KDM4B: variants seen among roughly 807,000 people sequenced by gnomAD.
KDM4B encodes the protein lysine-specific demethylase 4B.
Under a neutral mutation model 125.2 loss-of-function variants are expected in KDM4B, and 32 were observed. That is an observed-to-expected ratio of 0.26 (90% CI 0.19 to 0.34). KDM4B has a LOEUF of 0.34. Among genes scored for constraint, KDM4B ranks in the 10% least tolerant of loss-of-function variants. The pLI is 1.00. For synonymous variants in KDM4B, 721 were observed against 677.9 expected, an observed-to-expected ratio of 1.06 and a Z score of -0.99; for missense variants, 1,190 against 1,577.7, an observed-to-expected ratio of 0.75 and a Z score of 4.16.
At chr19:5,097,029 T>C (rs1366180213) in intron 9 of KDM4B, among the ~76,000 whole-genome samples, 1 of 152,006 alleles carries the variant, frequency 6.6e-6, no homozygotes, top group Non-Finnish European at 1.5e-5. Flanking sequence ...ATGTGTGGTG[T>C]GGAGTCAGCA....
rs528325463 is a variant in KDM4B, at chr19:5,114,331, G to A, written c.1115+3513G>A. The A allele has an allele frequency of 5.5e-4, 495 of 898,664 alleles. No individual in the cohort carries two copies. The highest frequency in any genetic ancestry group is 7.2e-4 in the Non-Finnish European group (454 of 631,776). 55.7% of individuals were successfully genotyped at this position (898,664 alleles called of 1,614,324 possible). A position where few individuals can be genotyped will look rare whatever the true frequency, so the allele number is the denominator to read the frequency against. On this transcript the variant is annotated intron_variant, in intron 10 of 22. Coordinates refer to ENST00000159111, the MANE Select transcript of KDM4B (RefSeq NM_015015.3). The surrounding 1 kb of genome is among the most constrained non-coding windows in gnomAD (Gnocchi z 5.8). ...CAGGCCTCGTCTCCCCTACCCCTCC[G>A]AGCTCGGTGCTGCCTGTCCCCTCCT... is the stretch of plus-strand genomic sequence containing the variant.
chr19:5,029,437 T>C (rs746777558), intron 2 of KDM4B, among the ~76,000 whole-genome samples: 1 of 152,238 alleles, frequency 6.6e-6, no homozygotes, highest in Non-Finnish European at 1.5e-5. Context: ...CTTCCCTGTT[T>C]AGCTGTGTTG....
chr19:5,045,585 G>A (rs1245723810), intron 5 of KDM4B, among the ~76,000 whole-genome samples: 1 of 148,888 alleles, frequency 6.7e-6, no homozygotes, highest in Non-Finnish European at 1.5e-5. Flanking sequence ...TTTTTGAGAT[G>A]GAGTCTTGCT....
At chr19:5,090,451 C>T (rs1381676014) in intron 9 of KDM4B, among the ~76,000 whole-genome samples, 1 of 61,372 alleles carries the variant, frequency 1.6e-5, no homozygotes, top group Admixed American at 1.6e-4. Context: ...CTCTCTTCCC[C>T]CTCTCTCTCC....
rs536333335 is a variant in KDM4B, at chr19:5,082,191, C to A, written c.781-176C>A. Among the ~76,000 whole-genome samples, 2 of 152,294 alleles carry A rather than the reference C, an allele frequency of 1.3e-5. No individual in the cohort carries two copies. The highest frequency in any genetic ancestry group is 4.1e-4 in the South Asian group (2 of 4,820). Reference sequence around the variant, plus strand: ...TGCTCACTATGTCCTTCATGAGCCGCGTGGGAAATGGGCTGGAGCCCTGGA... The same window carrying A: ...TGCTCACTATGTCCTTCATGAGCCGAGTGGGAAATGGGCTGGAGCCCTGGA... On this transcript the variant is annotated intron_variant, in intron 8 of 22. Coordinates refer to ENST00000159111, the MANE Select transcript of KDM4B (RefSeq NM_015015.3). This position sits in a 1 kb window ranked among gnomAD's most constrained non-coding sequence, Gnocchi z 5.4.
intron 5 of KDM4B, among the ~76,000 whole-genome samples, chr19:5,043,644 C>CCCACT (rs2036913073): frequency 6.8e-6 from 1 of 146,242 alleles, no homozygotes; most frequent in African/African-American, 2.6e-5. Flanking sequence ...TCCACCATAT[C>CCCACT]CTGCGTGGTG....
chr19:5,038,903 G>A (rs2036717615), intron 3 of KDM4B, among the ~76,000 whole-genome samples: 1 of 152,258 alleles, frequency 6.6e-6, no homozygotes, highest in South Asian at 2.1e-4. Flanking sequence ...CTCCAGGCGG[G>A]GCGGAGGCCC....
chr19:4,996,030 G>A (rs1390149472), intron 1 of KDM4B, among the ~76,000 whole-genome samples: 2 of 151,684 alleles, frequency 1.3e-5, no homozygotes, highest in Non-Finnish European at 2.9e-5. Flanking sequence ...TCGCTCTGTC[G>A]CCCAGGCTGG....
rs141891395 is a variant in KDM4B, at chr19:5,075,620, G to A, written c.677-1747G>A. The A allele has an allele frequency of 3.9e-5, 6 of 152,338 alleles. No homozygotes were observed. The East Asian group carries it at 1.2e-3, about 29-fold the overall frequency. The allele number at this position is 152,338 out of a possible 1,614,324, so 9.4% of individuals were successfully genotyped here. A position where few individuals can be genotyped will look rare whatever the true frequency, so the allele number is the denominator to read the frequency against. On this transcript the variant is annotated intron_variant, in intron 7 of 22. Coordinates refer to ENST00000159111, the MANE Select transcript of KDM4B (RefSeq NM_015015.3). ...GAGCCACCGCGCCCAGCCTGGCTGT[G>A]AGGTTTGTGAAGGCGCCAAGCTGCT...
chr19:5,044,667 C>T (rs1003820096), intron 5 of KDM4B, among the ~76,000 whole-genome samples: 1 of 152,120 alleles, frequency 6.6e-6, no homozygotes, highest in African/African-American at 2.4e-5. Flanking sequence ...CCTGCCTCAG[C>T]CTCCCGAGTA....
At chr19:5,101,880 T>C (rs1476797132) in intron 9 of KDM4B, among the ~76,000 whole-genome samples, 1 of 152,178 alleles carries the variant, frequency 6.6e-6, no homozygotes, top group Non-Finnish European at 1.5e-5. Flanking sequence ...GCCTCCTGCC[T>C]GGGCTCCTAA....
At position 4,981,605 on chromosome 19, in the gene KDM4B, GC is replaced by G. The variant is rs533101929; in HGVS notation, c.-109+12383del. On this transcript the variant is annotated intron_variant, in intron 1 of 22. Coordinates refer to ENST00000159111, the MANE Select transcript of KDM4B (RefSeq NM_015015.3). ...CAGGAGGTTAAAGGGGTGAGTGGGA[GC>G]CCCCCCCACCACGCCGGGCCCCTTG... Among the ~76,000 whole-genome samples the G allele has an allele frequency of 6.6e-5, 10 of 151,958 alleles. No individual in the cohort carries two copies. In the East Asian group the frequency reaches 1.2e-3, roughly 18 times the overall value.
At chr19:4,976,764 C>T (rs1046966426) in intron 1 of KDM4B, among the ~76,000 whole-genome samples, 1 of 152,192 alleles carries the variant, frequency 6.6e-6, no homozygotes, top group African/African-American at 2.4e-5. Flanking sequence ...CGGTGGCCAT[C>T]GTGCGGTCAG....
intron 9 of KDM4B, among the ~76,000 whole-genome samples, chr19:5,097,206 T>A (rs2038845459): frequency 6.6e-6 from 1 of 152,206 alleles, no homozygotes; most frequent in Non-Finnish European, 1.5e-5. Context: ...TAAAAGGCTG[T>A]AAAGCCCCAC....
At chr19:5,015,352 A>G (rs1351470579) in intron 1 of KDM4B, among the ~76,000 whole-genome samples, 1 of 151,814 alleles carries the variant, frequency 6.6e-6, no homozygotes, top group East Asian at 1.9e-4. Context: ...CCCAGGTTCA[A>G]GTGATTCTCA....
chr19:5,133,879 C>G lies in KDM4B; in HGVS notation c.1907-4C>G, dbSNP rs2078422562. ...CTCTCTCCCTCTCCCCTCTGTTCTT[C>G]TAGAGGCATCCCCTTTCTCCGGGGA... On this transcript the variant is annotated splice_region_variant and splice_polypyrimidine_tract_variant and intron_variant, in intron 13 of 22. Coordinates refer to ENST00000159111, the MANE Select transcript of KDM4B (RefSeq NM_015015.3). 3 of 1,612,560 alleles carry G rather than the reference C, an allele frequency of 1.9e-6. No homozygotes were observed. The highest frequency in any genetic ancestry group is 2.5e-6 in the Non-Finnish European group (3 of 1,179,666).
chr19:5,080,188 A>G (rs1198263125), intron 8 of KDM4B, among the ~76,000 whole-genome samples: 1 of 152,204 alleles, frequency 6.6e-6, no homozygotes, highest in Non-Finnish European at 1.5e-5. Flanking sequence ...GAAAAATATC[A>G]CAGTGTTCTT....
intron 3 of KDM4B, among the ~76,000 whole-genome samples, chr19:5,033,327 C>T (rs1032074956): frequency 6.6e-6 from 1 of 152,202 alleles, no homozygotes; most frequent in African/African-American, 2.4e-5. Context: ...GGCAGTGGGC[C>T]ACCAGGTTGT....
intron 10 of KDM4B, chr19:5,113,198 G>GC (rs2039185603): frequency 6.6e-6 from 1 of 152,068 alleles, no homozygotes; most frequent in African/African-American, 2.4e-5. Flanking sequence ...CCTCCCAGGA[G>GC]CCCCCTCCCG....
Sources: gnomAD v4.1 joint callset for allele counts (sites outside exome capture counted in the v4.1 genomes callset) on GRCh38, gnomAD v4.1.1 for gene constraint, Gnocchi (gnomAD v3.1) non-coding constraint, MANE v1.5 for transcripts, NCBI Gene and HGNC (gene_info 2026-07-23, HGNC 2026-07-21) for gene names.